Variants in TMEM132D observed in about 807,000 individuals in gnomAD.
TMEM132D encodes mature OL transmembrane protein.
Under a neutral mutation model 62.3 loss-of-function variants are expected in TMEM132D, and 21 were observed. The ratio of observed to expected loss-of-function variants is 0.34; its 90% confidence interval spans 0.24 to 0.49. TMEM132D has a LOEUF of 0.49. Among genes scored for constraint, TMEM132D ranks in the 20% least tolerant of loss-of-function variants. TMEM132D has a pLI of 0.99. For missense variants in TMEM132D, 1,346 were observed against 1,402.8 expected, an observed-to-expected ratio of 0.96 and a Z score of 0.65; for synonymous variants, 621 against 575.6, an observed-to-expected ratio of 1.08 and a Z score of -1.13.
At chr12:129,378,845 T>C (rs958116376) in intron 3 of TMEM132D, among the ~76,000 whole-genome samples, 2 of 152,196 alleles carry the variant, frequency 1.3e-5, no homozygotes, top group African/African-American at 4.8e-5. Flanking sequence ...ATGGCGGCCG[T>C]TGACGGTGTA....
chr12:129,852,011 G>A (rs1159704584), intron 1 of TMEM132D, among the ~76,000 whole-genome samples: 1 of 152,190 alleles, frequency 6.6e-6, no homozygotes, highest in Non-Finnish European at 1.5e-5. Context: ...GGCTGGGCTT[G>A]ACCCTCGAGC....
At chr12:129,284,130 G>A (rs962525188) in intron 4 of TMEM132D, among the ~76,000 whole-genome samples, 3 of 152,166 alleles carry the variant, frequency 2.0e-5, no homozygotes, top group Non-Finnish European at 4.4e-5. Flanking sequence ...TAGACCATCG[G>A]GGACATTTCG....
chr12:129,832,259 G>A (rs1464842989), intron 1 of TMEM132D, among the ~76,000 whole-genome samples: 1 of 151,086 alleles, frequency 6.6e-6, no homozygotes, highest in Non-Finnish European at 1.5e-5. Context: ...AAGAAAAGAA[G>A]GAGAGGAAAA....
At chr12:129,799,409 ATATATATGTGTATATATGTGTATATATG>A (rs1871679279) in intron 1 of TMEM132D, among the ~76,000 whole-genome samples, 1 of 564 alleles carries the variant, frequency 1.8e-3, no homozygotes, top group African/African-American at 5.8e-3. Context: ...TTATATATGT[ATATATATGTGTATATATGTGTATATATG>A]TATATATATA....
chr12:129,843,985 T>C (rs114306590), intron 1 of TMEM132D, among the ~76,000 whole-genome samples: 1,873 of 152,116 alleles, frequency 0.012, 41 homozygotes, highest in African/African-American at 0.042. Context: ...CCTGTAGTTA[T>C]AACTACATGG....
intron 4 of TMEM132D, among the ~76,000 whole-genome samples, chr12:129,323,263 C>T (rs1266457740): frequency 6.6e-6 from 1 of 152,044 alleles, no homozygotes; most frequent in Non-Finnish European, 1.5e-5. Context: ...AAAAAAAAAG[C>T]GTAAATAGCA....
intron 4 of TMEM132D, among the ~76,000 whole-genome samples, chr12:129,254,102 A>G (rs183259226): frequency 5.9e-5 from 9 of 152,324 alleles, no homozygotes; most frequent in Middle Eastern, 3.4e-3. Context: ...AAGATGCCTA[A>G]ATACACGTAT....
chr12:129,387,877 A>G (rs371803624), intron 3 of TMEM132D, among the ~76,000 whole-genome samples: 4 of 78,136 alleles, frequency 5.1e-5, no homozygotes, highest in East Asian at 3.2e-4. Flanking sequence ...CAGCACTGAT[A>G]ATAATATGAA....
At chr12:129,768,723 T>A (rs1870635390) in intron 1 of TMEM132D, among the ~76,000 whole-genome samples, 1 of 152,174 alleles carries the variant, frequency 6.6e-6, no homozygotes, top group Non-Finnish European at 1.5e-5. Flanking sequence ...TCAGCAGCTC[T>A]GCCGATGCTG....
intron 4 of TMEM132D, among the ~76,000 whole-genome samples, chr12:129,318,166 T>C (rs1163335882): frequency 6.6e-6 from 1 of 152,172 alleles, no homozygotes; most frequent in Admixed American, 6.5e-5. Context: ...CTTCTTGGTT[T>C]GGATCCATTG....
chr12:129,346,758 G>A (rs1869697898), intron 3 of TMEM132D, among the ~76,000 whole-genome samples: 1 of 152,122 alleles, frequency 6.6e-6, no homozygotes, highest in South Asian at 2.1e-4. Flanking sequence ...AGGAAGAGAG[G>A]AAGCCAAATT....
chr12:129,578,424 G>GTA lies in TMEM132D; in HGVS notation c.969-47221_969-47220dup, dbSNP rs1555219553. 2.8e-3 allele frequency among the ~76,000 whole-genome samples: 429 copies of GTA among 150,584 alleles called. 3 individuals carry two copies. Among genetic ancestry groups the GTA allele is most frequent in the African/African-American group, 8.8e-3 (363 of 41,060 alleles). ...AATACAATTATGTGTGTGTGTGTGTGTATATATATATATGTATGTATATAT... is the reference window on the plus strand; with the variant it reads ...AATACAATTATGTGTGTGTGTGTGTGTATATATATATATATGTATGTATATAT... On this transcript the variant is annotated intron_variant, in intron 2 of 8. Coordinates refer to ENST00000422113, the MANE Select transcript of TMEM132D (RefSeq NM_133448.3).
rs1166965206 is a variant in TMEM132D, at chr12:129,089,842, G to A, written c.1444-5140C>T. Among the ~76,000 whole-genome samples the A allele has an allele frequency of 6.6e-5, 10 of 152,356 alleles. 1 individual carries two copies. The highest frequency in any genetic ancestry group is 3.9e-4 in the East Asian group (2 of 5,176). On this transcript the variant is annotated intron_variant, in intron 5 of 8. Transcript: ENST00000422113. Reference sequence around the variant, plus strand: ...AGGACACAGGGGGCAGGGAAGGGGCGTAGACCAGATTCAGCCCAAGTGGGC... The same window carrying A: ...AGGACACAGGGGGCAGGGAAGGGGCATAGACCAGATTCAGCCCAAGTGGGC...
At chr12:129,446,376 C>T (rs372425951) in intron 3 of TMEM132D, among the ~76,000 whole-genome samples, 10 of 152,272 alleles carry the variant, frequency 6.6e-5, no homozygotes, top group South Asian at 6.2e-4. Flanking sequence ...CTGTACCCTC[C>T]GGAGCTGTGC....
chr12:129,547,406 G>A (rs765763867), intron 2 of TMEM132D, among the ~76,000 whole-genome samples: 4 of 152,078 alleles, frequency 2.6e-5, no homozygotes, highest in Non-Finnish European at 4.4e-5. Context: ...GCCTGGCCAC[G>A]TGGCTTTCTC....
chr12:129,569,525 CAAA>C (rs1045135080), intron 2 of TMEM132D, among the ~76,000 whole-genome samples: 11 of 152,054 alleles, frequency 7.2e-5, no homozygotes, highest in African/African-American at 2.4e-4. Context: ...TATAGAGAGG[CAAA>C]GGCAAATAAA....
chr12:129,077,773 C>A (rs1234759930), intron 8 of TMEM132D, among the ~76,000 whole-genome samples: 1 of 152,082 alleles, frequency 6.6e-6, no homozygotes, highest in Admixed American at 6.6e-5. Context: ...TCACAACACA[C>A]ATATATACAT....
At chr12:129,337,484 C>T (rs1869328904) in intron 4 of TMEM132D, 150 bp downstream of exon 4, 2 of 746,892 alleles carry the variant, frequency 2.7e-6, no homozygotes, top group South Asian at 1.8e-5. Context: ...TAACGATTGG[C>T]TATTGGCAGT....
At chr12:129,387,747 A>G (rs1263512345) in intron 3 of TMEM132D, among the ~76,000 whole-genome samples, 3 of 152,158 alleles carry the variant, frequency 2.0e-5, no homozygotes, top group Admixed American at 6.5e-5. Flanking sequence ...TAATATAAAC[A>G]CTAATAGCAA....
Sources: allele counts gnomAD v4.1 joint callset (sites outside exome capture counted in the v4.1 genomes callset), GRCh38; gene constraint gnomAD v4.1.1; transcripts MANE v1.5; gene names NCBI Gene and HGNC (gene_info 2026-07-23, HGNC 2026-07-21).